The following RAD51D variants were observed in gnomAD, a reference collection of about 807,000 sequenced individuals.
RAD51D encodes RAD51 paralog D, also known as DNA repair protein RAD51 homolog 4.
A neutral mutation model predicts 44.1 loss-of-function variants in RAD51D; 38 were observed. The observed-to-expected ratio is 0.86, with a 90% CI of 0.67 to 1.13. The LOEUF (loss-of-function observed/expected upper bound fraction) is 1.13. RAD51D is among the 50% of genes most tolerant of loss of function. RAD51D has a pLI of 0.00. For missense variants in RAD51D, 390 were observed against 414.0 expected (o/e 0.94, Z 0.50); for synonymous variants, 141 against 166.6 (o/e 0.85, Z 1.18).
Position 35,100,949 on chromosome 17 carries a change from C to G in RAD51D, c.*4G>C, listed in dbSNP as rs876659026. On this transcript the variant is annotated 3_prime_UTR_variant, in exon 10 of 10. Transcript: ENST00000345365. ...CTTCCCTGTTTCCCAAACAACAGCA[C>G]AGGTCATGTCTGATCACCCTGTAAT... 2 of 1,610,026 alleles carry G rather than the reference C, an allele frequency of 1.2e-6. No individual in the cohort carries two copies. The highest frequency in any genetic ancestry group is 1.7e-6 in the Non-Finnish European group (2 of 1,176,358).
chr17:35,105,201 C>T (rs1441987667), intron 6 of RAD51D, among the ~76,000 whole-genome samples: 1 of 152,226 alleles, frequency 6.6e-6, no homozygotes, highest in African/African-American at 2.4e-5. Context: ...TCACTCTTCT[C>T]ATCTCTAAAA....
At chr17:35,106,534 G>A (rs1285278132) in intron 5 of RAD51D, 53 bp from the exon 6 acceptor site, 106 of 1,375,980 alleles carry the variant, frequency 7.7e-5, no homozygotes, top group Non-Finnish European at 3.7e-5. Context: ...GAGTAGGGGG[G>A]TCAAGGTAAG....
Position 35,119,764 on chromosome 17 carries a change from A to G in RAD51D, c.-151T>C, listed in dbSNP as rs1361093993. ...GAGAAAGGAGAGAGGAGGAGGCGGC[A>G]CCAAGGGTAGGGCTGGGGGTCATCC... On this transcript the variant is annotated 5_prime_UTR_variant, in exon 1 of 10. Coordinates refer to ENST00000345365, the MANE Select transcript of RAD51D (RefSeq NM_002878.4). 1 of 801,268 alleles carries G rather than the reference A, an allele frequency of 1.2e-6. No homozygotes were observed. Among genetic ancestry groups the G allele is most frequent in the Non-Finnish European group, 2.1e-6 (1 of 476,706 alleles). 49.6% of individuals were successfully genotyped at this position (801,268 alleles called of 1,614,324 possible).
intron 5 of RAD51D, 91 bp downstream of exon 5, chr17:35,106,897 A>T (rs2091610982): frequency 6.3e-7 from 1 of 1,584,806 alleles, no homozygotes; most frequent in South Asian, 1.1e-5. Flanking sequence ...AAGGCAAGGA[A>T]TGACTATTCA....
intron 8 of RAD51D, among the ~76,000 whole-genome samples, chr17:35,101,888 G>A (rs2091542613): frequency 6.6e-6 from 1 of 152,154 alleles, no homozygotes; most frequent in Admixed American, 6.5e-5. Context: ...TGGTTGTCAG[G>A]GGCTGGGGAA....
chr17:35,101,441 G>C (rs768021375), intron 8 of RAD51D, 76 bp from the exon 9 acceptor site: 2 of 1,449,154 alleles, frequency 1.4e-6, no homozygotes, highest in Admixed American at 3.3e-5. Flanking sequence ...ATTTTACGGA[G>C]AGGAAAACAG....
chr17:35,101,451 G>A (rs2142413240), intron 8 of RAD51D, 86 bp from the exon 9 acceptor site: 1 of 1,433,160 alleles, frequency 7.0e-7, no homozygotes, highest in South Asian at 1.1e-5. Flanking sequence ...GAGGAAAACA[G>A]AGGCCTAGCA....
chr17:35,101,080 TG>T (rs746585920), intron 9 of RAD51D, 44 bp from the exon 10 acceptor site: 1 of 1,604,400 alleles, frequency 6.2e-7, no homozygotes, highest in East Asian at 2.2e-5. Context: ...GCAACCCAAG[TG>T]GGTAGCTTCT....
intron 3 of RAD51D, among the ~76,000 whole-genome samples, chr17:35,115,940 A>AAGGAAGGAAGG (rs1198134777): frequency 8.2e-5 from 9 of 109,380 alleles, no homozygotes; most frequent in Middle Eastern, 4.4e-3. Flanking sequence ...AGGAAGGAAG[A>AAGGAAGGAAGG]AAGAAAAGGA....
chr17:35,113,804 A>G (rs1479323345), intron 3 of RAD51D, among the ~76,000 whole-genome samples: 1 of 152,224 alleles, frequency 6.6e-6, no homozygotes, highest in Non-Finnish European at 1.5e-5. Flanking sequence ...AGGACTAGCT[A>G]GAAATGCAAA....
chr17:35,107,265 G>C, intron 4 of RAD51D, 101 bp downstream of exon 4: 2 of 1,450,430 alleles, frequency 1.4e-6, no homozygotes, highest in South Asian at 2.3e-5. Context: ...TCTCTGTTGG[G>C]CTCTGAACCC....
rs914217807 is a variant in RAD51D at position 35,098,258 on chromosome 17, A to G, written c.*2695T>C. The G allele has an allele frequency of 6.6e-6, 1 of 151,836 alleles. No individual in the cohort carries two copies. The highest frequency in any genetic ancestry group is 1.5e-5 in the Non-Finnish European group (1 of 67,970). 9.4% of individuals were successfully genotyped at this position (151,836 alleles called of 1,614,324 possible). ...TGTGGGGATTTTTTTTTTCTTTTTG[A>G]AACAGAGTCTCTGTTGCCCAGGCTG... On this transcript the variant is annotated 3_prime_UTR_variant, in exon 10 of 10. Transcript: ENST00000345365.
rs201705308 is a variant in RAD51D, at chr17:35,115,896, AAAGGAAGGAAGGAAGG to A, written c.263+2589_263+2604del. Among the ~76,000 whole-genome samples, 786 of 84,622 alleles carry A rather than the reference AAAGGAAGGAAGGAAGG, an allele frequency of 9.3e-3. 31 individuals are homozygous for A. The highest frequency in any genetic ancestry group is 0.013 in the Admixed American group (77 of 6,072). 55.5% of individuals were successfully genotyped at this position (84,622 alleles called of 152,430 possible). A position where few individuals can be genotyped will look rare whatever the true frequency, so the allele number is the denominator to read the frequency against. ...AAAAGAAAGAAAGAAGGAAAGAAGG[AAAGGAAGGAAGGAAGG>A]AAGGAAGGAAGGAAGGAAGGAAGGA... On this transcript the variant is annotated intron_variant, in intron 3 of 9. Transcript: ENST00000345365.
chr17:35,106,910 C>G (rs2091611198), intron 5 of RAD51D, 78 bp downstream of exon 5: 1 of 1,608,744 alleles, frequency 6.2e-7, no homozygotes. Context: ...ACTATTCAAC[C>G]CAAATTCTTA....
At chr17:35,101,761 C>T (rs1323857048) in intron 8 of RAD51D, among the ~76,000 whole-genome samples, 1 of 152,148 alleles carries the variant, frequency 6.6e-6, no homozygotes, top group Non-Finnish European at 1.5e-5. Flanking sequence ...GGTGGATGAA[C>T]CTTCTGGACA....
At position 35,097,437 on chromosome 17, in the gene RAD51D, G is replaced by A. The variant is rs1399382556; in HGVS notation, c.*3516C>T. 2 of 143,486 alleles carry A rather than the reference G, an allele frequency of 1.4e-5. No individual in the cohort carries two copies. The highest frequency in any genetic ancestry group is 2.3e-4 in the South Asian group (1 of 4,416). 8.9% of individuals were successfully genotyped at this position (143,486 alleles called of 1,614,324 possible). A position where few individuals can be genotyped will look rare whatever the true frequency, so the allele number is the denominator to read the frequency against. Reference sequence around the variant, plus strand: ...CTGGCTCATATGTGTATATATATGTGTGTATATATATGTGTGTATATATAT... The same window carrying A: ...CTGGCTCATATGTGTATATATATGTATGTATATATATGTGTGTATATATAT... On this transcript the variant is annotated 3_prime_UTR_variant, in exon 10 of 10. Coordinates refer to ENST00000345365, the MANE Select transcript of RAD51D (RefSeq NM_002878.4).
At position 35,100,892 on chromosome 17, in the gene RAD51D, C is replaced by A. The variant is rs1005056480; in HGVS notation, c.*61G>T. On this transcript the variant is annotated 3_prime_UTR_variant, in exon 10 of 10. Coordinates refer to ENST00000345365, the MANE Select transcript of RAD51D (RefSeq NM_002878.4). ...AGGTGGCAGTAAACAGCAGGCGTTA[C>A]TGGGAAGAAAAGTTGGGAGGGGTCC... The A allele has an allele frequency of 2.6e-5, 37 of 1,419,750 alleles. No individual in the cohort carries two copies. Among genetic ancestry groups the A allele is most frequent in the Non-Finnish European group, 3.4e-5 (34 of 1,003,976 alleles). The allele number at this position is 1,419,750 out of a possible 1,614,324, so 87.9% of individuals were successfully genotyped here.
chr17:35,108,498 A>T (rs1395311642), intron 3 of RAD51D, among the ~76,000 whole-genome samples: 3 of 80,324 alleles, frequency 3.7e-5, no homozygotes, highest in South Asian at 3.3e-4. Context: ...TTTTCTCTTT[A>T]AAAAAAAAAA....
chr17:35,103,117 C>G lies in RAD51D; in HGVS notation c.738+137G>C. The G allele has an allele frequency of 1.3e-6, 1 of 782,766 alleles. No individual in the cohort carries two copies. The highest frequency in any genetic ancestry group is 2.0e-5 in the Admixed American group (1 of 49,702). The allele number at this position is 782,766 out of a possible 1,614,324, so 48.5% of individuals were successfully genotyped here. The stretch of plus-strand genomic sequence containing the variant: ...TCCCTTAGCTATTTATGGTGCAAAG[C>G]TGTAGCTGACCCAGGGAAGCTGGGA... On this transcript the variant is annotated intron_variant, in intron 8 of 9. Transcript: ENST00000345365. This position sits in a 1 kb window ranked among gnomAD's most constrained non-coding sequence, Gnocchi z 4.1.
Sources: allele counts gnomAD v4.1 joint callset (sites outside exome capture counted in the v4.1 genomes callset), GRCh38; gene constraint gnomAD v4.1.1; non-coding constraint Gnocchi (gnomAD v3.1); transcripts MANE v1.5; gene names NCBI Gene and HGNC (gene_info 2026-07-23, HGNC 2026-07-21).